CTNNA1: variants seen among roughly 807,000 people sequenced by gnomAD.
CTNNA1 encodes catenin alpha-1.
CTNNA1 carries 37 observed loss-of-function variants against 98.4 expected under a neutral mutation model. The observed-to-expected ratio is 0.38, with a 90% CI of 0.29 to 0.49. The LOEUF (loss-of-function observed/expected upper bound fraction) is 0.49, where lower values mean the gene tolerates loss of function less well. Among genes scored for constraint, CTNNA1 ranks in the 20% least tolerant of loss-of-function variants. CTNNA1 has a pLI of 0.95. For missense variants in CTNNA1, 761 were observed against 1,147.2 expected, an observed-to-expected ratio of 0.66 and a Z score of 4.86; for synonymous variants, 404 against 413.2, an observed-to-expected ratio of 0.98 and a Z score of 0.27.
chr5:138,921,809 C>T (rs1265585684), intron 11 of CTNNA1, among the ~76,000 whole-genome samples: 1 of 151,792 alleles, frequency 6.6e-6, no homozygotes, highest in Non-Finnish European at 1.5e-5. Context: ...CCATGTTGGC[C>T]AGGATGGTCC....
rs1434838102 is a variant in CTNNA1, at chr5:138,925,245, T to G, written c.1748-11T>G. 1.2e-6 allele frequency: 2 copies of G among 1,613,084 alleles called. No individual in the cohort carries two copies. The highest frequency in any genetic ancestry group is 1.7e-6 in the Non-Finnish European group (2 of 1,179,630). ...CTGACCAGGGTATCTACTGTGCCTCTTTCTCCACAGTCATGCCACGTTTTA... is the reference window on the plus strand; with the variant it reads ...CTGACCAGGGTATCTACTGTGCCTCGTTCTCCACAGTCATGCCACGTTTTA... On this transcript the variant is annotated splice_polypyrimidine_tract_variant and intron_variant, in intron 12 of 17. Transcript: ENST00000302763.
At chr5:138,869,131 G>A (rs1290764665) in intron 7 of CTNNA1, 1 of 148,318 alleles carries the variant, frequency 6.7e-6, no homozygotes, top group Admixed American at 6.8e-5. Flanking sequence ...TCCAGTCTCA[G>A]TGTTGATAGG....
At chr5:138,875,742 G>T (rs1751350347) in intron 7 of CTNNA1, 2 of 984,772 alleles carry the variant, frequency 2.0e-6, no homozygotes, top group African/African-American at 3.5e-5. Context: ...ATGCAAGGTA[G>T]TGTCGCTGCA....
chr5:138,931,174 G>C (rs1340024749), intron 16 of CTNNA1: 1 of 490,980 alleles, frequency 2.0e-6, no homozygotes, highest in African/African-American at 1.9e-5. Flanking sequence ...TTATGTCTCA[G>C]TTCCCTCTCT....
chr5:138,888,793 G>A (rs1217077833), intron 9 of CTNNA1, among the ~76,000 whole-genome samples: 1 of 151,848 alleles, frequency 6.6e-6, no homozygotes, highest in East Asian at 1.9e-4. Flanking sequence ...ACCCGCCTTG[G>A]CCTCCCAAAG....
At chr5:138,820,636 C>T (rs957678500) in intron 5 of CTNNA1, among the ~76,000 whole-genome samples, 2 of 152,042 alleles carry the variant, frequency 1.3e-5, no homozygotes, top group Non-Finnish European at 2.9e-5. Flanking sequence ...ATGTGGCCAG[C>T]CTGAGATTTG....
chr5:138,838,100 C>T (rs1028859667), intron 7 of CTNNA1, among the ~76,000 whole-genome samples: 5 of 152,268 alleles, frequency 3.3e-5, no homozygotes, highest in African/African-American at 1.2e-4. Flanking sequence ...AGGGTTTCAC[C>T]ATGTTGGCCA....
intron 9 of CTNNA1, among the ~76,000 whole-genome samples, chr5:138,897,185 A>G (rs1388222442): frequency 6.6e-6 from 1 of 151,698 alleles, no homozygotes; most frequent in Admixed American, 6.6e-5. Context: ...TGTTATTATA[A>G]TGAATTTGCT....
At position 138,932,674 on chromosome 5, in the gene CTNNA1, G is replaced by A. The variant is rs1215571495; in HGVS notation, c.2395G>A (p.Glu799Lys). 4 of 1,614,108 alleles carry A rather than the reference G, an allele frequency of 2.5e-6. No homozygotes were observed. The highest frequency in any genetic ancestry group is 2.7e-5 in the African/African-American group (2 of 74,938). The change falls in exon 17 of 18, where the codon GAG becomes AAG. Residue 799 changes from glutamate (E) to lysine (K), a missense_variant. Glu to Lys is a moderately conservative substitution (Grantham distance 56). Coordinates refer to ENST00000302763, the MANE Select transcript of CTNNA1 (RefSeq NM_001903.5). ...GAACATCTGCAGCAAGGTCAAGGCC[G>A]AGGTGCAGAATCTCGGCGGGGAGCT... Reference protein sequence around the residue: ...QLNICSKVKAEVQNLGGELVV... With the variant: ...QLNICSKVKAKVQNLGGELVV...
At chr5:138,852,214 A>G (rs1446297219) in intron 7 of CTNNA1, among the ~76,000 whole-genome samples, 2 of 152,198 alleles carry the variant, frequency 1.3e-5, no homozygotes, top group Non-Finnish European at 2.9e-5. Flanking sequence ...AGGGGTATGG[A>G]ATATTTCAAT....
chr5:138,891,720 C>G (rs1450121932), intron 9 of CTNNA1, among the ~76,000 whole-genome samples: 3 of 152,210 alleles, frequency 2.0e-5, no homozygotes, highest in African/African-American at 7.2e-5. Context: ...GGTTGTGCCA[C>G]TGCACTCCAG....
At chr5:138,915,989 C>T (rs1294036592) in intron 10 of CTNNA1, among the ~76,000 whole-genome samples, 2 of 152,092 alleles carry the variant, frequency 1.3e-5, no homozygotes, top group Non-Finnish European at 2.9e-5. Context: ...AGGGAGGTTG[C>T]AGTGAGCTGA....
chr5:138,790,579 A>C (rs1231144627), intron 3 of CTNNA1, among the ~76,000 whole-genome samples: 1 of 152,100 alleles, frequency 6.6e-6, no homozygotes, highest in Non-Finnish European at 1.5e-5. Flanking sequence ...TTTCTTTTTA[A>C]TTGGAATTCC....
At chr5:138,912,426 T>A (rs1029582165) in intron 10 of CTNNA1, among the ~76,000 whole-genome samples, 3 of 152,108 alleles carry the variant, frequency 2.0e-5, no homozygotes, top group African/African-American at 7.2e-5. Flanking sequence ...GCCAGAATGA[T>A]GGAAACAAAA....
In CTNNA1 at chr5:138,927,710, T is replaced by TAATGAATGAATG. The variant is rs749302365; in HGVS notation, c.1900-1510_1900-1499dup. ...CCCAGAACAGTGCTTGGCAGAGAGA[T>TAATGAATGAATG]AATGAATGAATGAATGAATGAATGA... is the stretch of plus-strand genomic sequence containing the variant. On this transcript the variant is annotated intron_variant, in intron 13 of 17. Coordinates refer to ENST00000302763, the MANE Select transcript of CTNNA1 (RefSeq NM_001903.5). Among the ~76,000 whole-genome samples, 444 of 151,054 alleles carry TAATGAATGAATG rather than the reference T, an allele frequency of 2.9e-3. 2 individuals carry two copies. Among genetic ancestry groups the TAATGAATGAATG allele is most frequent in the African/African-American group, 0.01 (419 of 40,958 alleles).
At chr5:138,888,984 A>G (rs373547407) in intron 9 of CTNNA1, among the ~76,000 whole-genome samples, 2 of 152,320 alleles carry the variant, frequency 1.3e-5, no homozygotes, top group East Asian at 3.9e-4. Flanking sequence ...TCAGTCTGCT[A>G]TTTAAGTTAA....
intron 5 of CTNNA1, among the ~76,000 whole-genome samples, chr5:138,823,566 T>G (rs955802396): frequency 6.6e-6 from 1 of 152,158 alleles, no homozygotes; most frequent in Non-Finnish European, 1.5e-5. Context: ...AGGAGATACG[T>G]GCTTGTCAGA....
At chr5:138,904,525 G>C in intron 10 of CTNNA1, 84 bp downstream of exon 10, 1 of 1,533,020 alleles carries the variant, frequency 6.5e-7, no homozygotes, top group Non-Finnish European at 8.8e-7. Context: ...GTTAAGTTTT[G>C]TTTTGTTTTT....
intron 9 of CTNNA1, among the ~76,000 whole-genome samples, chr5:138,890,765 C>A (rs1039957567): frequency 6.6e-6 from 1 of 152,194 alleles, no homozygotes; most frequent in Admixed American, 6.5e-5. Flanking sequence ...GTCCTCTAAT[C>A]ACATGGTTGG....
Sources: allele counts gnomAD v4.1 joint callset (sites outside exome capture counted in the v4.1 genomes callset), GRCh38; gene constraint gnomAD v4.1.1; transcripts MANE v1.5; gene names NCBI Gene and HGNC (gene_info 2026-07-23, HGNC 2026-07-21).